The following DMD variants were observed in gnomAD, a reference collection of about 807,000 sequenced individuals.
DMD encodes the protein dystrophin.
DMD carries 63 observed loss-of-function variants against 330.1 expected under a neutral mutation model. That is an observed-to-expected ratio of 0.19 (90% CI 0.16 to 0.24). The LOEUF (loss-of-function observed/expected upper bound fraction) is 0.24, where lower values mean the gene tolerates loss of function less well. Among genes scored for constraint, DMD ranks in the 10% least tolerant of loss-of-function variants. The pLI is 1.00. For missense variants in DMD, 3,344 were observed against 2,684.1 expected (o/e 1.25, Z -5.43); for synonymous variants, 1,223 against 959.8 (o/e 1.27, Z -5.07).
chrX:32,825,519 CTA>C (rs2078627537), intron 4 of DMD, among the ~76,000 whole-genome samples: 1 of 111,929 alleles, frequency 8.9e-6, no homozygotes, highest in Non-Finnish European at 1.9e-5. Flanking sequence ...AATTCTACCT[CTA>C]TGTTTATAAC....
At chrX:31,432,663 T>C (rs367621515) in intron 60 of DMD, among the ~76,000 whole-genome samples, 5 of 111,573 alleles carry the variant, frequency 4.5e-5, no homozygotes, top group Admixed American at 9.5e-5. Context: ...GTGAGAGACA[T>C]AGAGAGCAAA....
intron 55 of DMD, among the ~76,000 whole-genome samples, chrX:31,569,792 T>C (rs2075715649): frequency 9.3e-6 from 1 of 108,080 alleles, no homozygotes; most frequent in Non-Finnish European, 1.9e-5. Context: ...TATATTTTTA[T>C]GGGACTCACA....
intron 1 of DMD, among the ~76,000 whole-genome samples, chrX:33,104,580 C>T (rs1173549802): frequency 9.2e-6 from 1 of 108,474 alleles, no homozygotes; most frequent in Non-Finnish European, 1.9e-5. Context: ...TCCTATAAAA[C>T]GGCCCCACCC....
At chrX:32,785,629 C>A (rs1395658481) in intron 7 of DMD, among the ~76,000 whole-genome samples, 1 of 111,689 alleles carries the variant, frequency 9.0e-6, no homozygotes, top group Non-Finnish European at 1.9e-5. Flanking sequence ...GATCTCGCTA[C>A]AACTAGCTTT....
intron 47 of DMD, among the ~76,000 whole-genome samples, chrX:31,897,081 C>T (rs1441221428): frequency 9.2e-6 from 1 of 108,752 alleles, no homozygotes; most frequent in Non-Finnish European, 1.9e-5. Flanking sequence ...CCTTCCCCCA[C>T]CCCACAACAG....
intron 47 of DMD, among the ~76,000 whole-genome samples, chrX:31,899,623 A>AT (rs766851017): frequency 9.0e-6 from 1 of 111,030 alleles, no homozygotes; most frequent in African/African-American, 3.3e-5. Flanking sequence ...GGCCTGCAAA[A>AT]TTTTTTTTAT....
rs182651257 is a variant in DMD at position 32,358,522 on chromosome X, A to T, written c.5325+4266T>A. Among the ~76,000 whole-genome samples, 221 of 111,947 alleles carry T rather than the reference A, an allele frequency of 2.0e-3. 1 individual carries two copies. Among genetic ancestry groups the T allele is most frequent in the South Asian group, 8.3e-3 (22 of 2,650 alleles). ...ATTTCCTCACATTGATTTCACATAG[A>T]TTACGAAAAAACACGCTTTTTTCAA... On this transcript the variant is annotated intron_variant, in intron 37 of 78. Transcript: ENST00000357033.
At chrX:31,883,346 T>G (rs2067385430) in intron 47 of DMD, among the ~76,000 whole-genome samples, 1 of 110,900 alleles carries the variant, frequency 9.0e-6, no homozygotes, top group South Asian at 3.8e-4. Flanking sequence ...GGAGGGAACA[T>G]GAGAGGGGCT....
rs128626254 is a variant in DMD, at chrX:31,323,625, G to A, written c.9197C>T (p.Ser3066Leu). 1.7e-6 allele frequency: 2 copies of A among 1,210,484 alleles called. No individual in the cohort carries two copies. Among genetic ancestry groups the A allele is most frequent in the Non-Finnish European group, 2.2e-6 (2 of 894,624 alleles). Reference sequence around the variant, plus strand: ...GATATAGTAGGGCACTTTGTTTGGCGAGATGGCTCTCTCCCAGGGACCCTG... The same window carrying A: ...GATATAGTAGGGCACTTTGTTTGGCAAGATGGCTCTCTCCCAGGGACCCTG... The part of the protein sequence containing the change: ...SVQGPWERAI[S>L]PNKVPYYINH... The change falls in exon 62 of 79, where the codon TCG becomes TTG. Residue 3066 changes from serine (S) to leucine (L), a missense_variant. Coordinates refer to ENST00000357033, the MANE Select transcript of DMD (RefSeq NM_004006.3).
intron 43 of DMD, among the ~76,000 whole-genome samples, chrX:32,245,548 T>G (rs1309519430): frequency 1.1e-5 from 1 of 89,927 alleles, no homozygotes; most frequent in Non-Finnish European, 2.1e-5. Context: ...TAAATCACCT[T>G]GGGCAGTATG....
At chrX:32,506,986 A>G (rs2044695476) in intron 18 of DMD, among the ~76,000 whole-genome samples, 1 of 111,848 alleles carries the variant, frequency 8.9e-6, no homozygotes, top group Non-Finnish European at 1.9e-5. Context: ...GATCTAAGTT[A>G]TCTGTCCTTA....
chrX:32,907,822 A>G (rs1344217471), intron 2 of DMD, among the ~76,000 whole-genome samples: 2 of 112,513 alleles, frequency 1.8e-5, no homozygotes, highest in East Asian at 2.8e-4. Context: ...GCAAGACTAT[A>G]TAGCTTAATT....
intron 64 of DMD, among the ~76,000 whole-genome samples, chrX:31,217,419 T>G (rs2045524917): frequency 9.0e-6 from 1 of 111,342 alleles, no homozygotes. Context: ...ACGGAAACAT[T>G]GATAGGGAAG....
intron 44 of DMD, among the ~76,000 whole-genome samples, chrX:32,118,385 A>C (rs1351626927): frequency 9.0e-6 from 1 of 111,428 alleles, no homozygotes; most frequent in Non-Finnish European, 1.9e-5. Context: ...AGCAGCCTAC[A>C]GAGTGAACAG....
intron 63 of DMD, among the ~76,000 whole-genome samples, chrX:31,228,275 T>TAAAAAAAA (rs779738772): frequency 2.1e-4 from 18 of 83,892 alleles, no homozygotes; most frequent in South Asian, 6.0e-4. Flanking sequence ...AATAAAAAAA[T>TAAAAAAAA]AAAAAAAAAA....
chrX:32,555,512 C>T (rs1417866824), intron 16 of DMD, among the ~76,000 whole-genome samples: 1 of 111,372 alleles, frequency 9.0e-6, no homozygotes, highest in East Asian at 2.8e-4. Flanking sequence ...TTTTTGTATT[C>T]AGATGACATG....
At chrX:33,338,460 A>AAAAT (rs76681558) in intron 1 of DMD, among the ~76,000 whole-genome samples, 8,295 of 102,167 alleles carry the variant, frequency 0.081, 455 homozygotes, top group African/African-American at 0.18. Flanking sequence ...ATTAAAGGGC[A>AAAAT]AAATAAATAA....
At chrX:31,835,583 T>A (rs1377508235) in intron 49 of DMD, among the ~76,000 whole-genome samples, 1 of 111,878 alleles carries the variant, frequency 8.9e-6, no homozygotes, top group African/African-American at 3.3e-5. Context: ...TATGTTGATA[T>A]CTACAGAGAA....
At chrX:31,228,277 A>T (rs1325194091) in intron 63 of DMD, among the ~76,000 whole-genome samples, 2 of 30,619 alleles carry the variant, frequency 6.5e-5, no homozygotes, top group African/African-American at 7.9e-4. Context: ...TAAAAAAATA[A>T]AAAAAAAAAA....
Sources: allele counts gnomAD v4.1 joint callset (sites outside exome capture counted in the v4.1 genomes callset), GRCh38; gene constraint gnomAD v4.1.1; transcripts MANE v1.5; gene names NCBI Gene and HGNC (gene_info 2026-07-23, HGNC 2026-07-21).